PPFIA2: variants seen among roughly 807,000 people sequenced by gnomAD.
PPFIA2 encodes the protein liprin-alpha-2.
PPFIA2 carries 46 observed loss-of-function variants against 175.5 expected under a neutral mutation model. The observed-to-expected ratio is 0.26, with a 90% CI of 0.21 to 0.34. The LOEUF (loss-of-function observed/expected upper bound fraction) is 0.34, where lower values mean the gene tolerates loss of function less well. Among genes scored for constraint, PPFIA2 ranks in the 10% least tolerant of loss-of-function variants. The pLI, the probability that PPFIA2 is intolerant of heterozygous loss-of-function variation, is 1.00. For synonymous variants in PPFIA2, 568 were observed against 511.4 expected, an observed-to-expected ratio of 1.11 and a Z score of -1.49; for missense variants, 1,179 against 1,506.1, an observed-to-expected ratio of 0.78 and a Z score of 3.60.
rs150272567 is a variant in PPFIA2, at chr12:81,690,396, A to G, written c.250-13552T>C. Among the ~76,000 whole-genome samples, 356 of 152,208 alleles carry G rather than the reference A, an allele frequency of 2.3e-3. 1 individual carries two copies. Among genetic ancestry groups the G allele is most frequent in the African/African-American group, 8.3e-3 (345 of 41,572 alleles). The stretch of plus-strand genomic sequence containing the variant: ...GCATTATTGGCAAATTAGGCAGGAA[A>G]TTTCTTCATGGAAAGTATACTGAAT... On this transcript the variant is annotated intron_variant, in intron 3 of 32. Transcript: ENST00000549396.
chr12:81,444,916 C>T (rs1437898439), intron 6 of PPFIA2, among the ~76,000 whole-genome samples: 1 of 151,972 alleles, frequency 6.6e-6, no homozygotes, highest in Admixed American at 6.6e-5. Flanking sequence ...AGGATATTAT[C>T]ATCATATTGG....
chr12:81,574,651 T>C (rs1410304976), intron 4 of PPFIA2, among the ~76,000 whole-genome samples: 2 of 151,638 alleles, frequency 1.3e-5, no homozygotes, highest in Non-Finnish European at 3.0e-5. Flanking sequence ...AACACAGGTG[T>C]AAATAAAATT....
chr12:81,325,960 T>C (rs1594838075), intron 21 of PPFIA2, 90 bp from the exon 22 acceptor site: 1 of 880,260 alleles, frequency 1.1e-6, no homozygotes, highest in East Asian at 2.6e-5. Flanking sequence ...GTTGAGCAAC[T>C]GTTTAGTATC....
At chr12:81,425,199 C>A (rs2144084618) in intron 7 of PPFIA2, among the ~76,000 whole-genome samples, 1 of 152,170 alleles carries the variant, frequency 6.6e-6, no homozygotes, top group East Asian at 1.9e-4. Context: ...GGGGATCCAT[C>A]AACTTGAAGG....
intron 28 of PPFIA2, among the ~76,000 whole-genome samples, chr12:81,273,890 C>G (rs182915318): frequency 3.5e-3 from 536 of 151,832 alleles, no homozygotes; most frequent in Non-Finnish European, 5.3e-3. Flanking sequence ...CCCGCCCCCC[C>G]CCAAACCGGT....
At chr12:81,514,419 C>T (rs2062155568) in intron 4 of PPFIA2, among the ~76,000 whole-genome samples, 1 of 151,916 alleles carries the variant, frequency 6.6e-6, no homozygotes, top group Non-Finnish European at 1.5e-5. Context: ...AATGACAACA[C>T]CTGTAACTTT....
chr12:81,723,817 G>A (rs1263790153), intron 3 of PPFIA2, among the ~76,000 whole-genome samples: 1 of 150,854 alleles, frequency 6.6e-6, no homozygotes, highest in Admixed American at 6.6e-5. Flanking sequence ...CCTTTAAGTT[G>A]CTTTATATCT....
At chr12:81,667,328 G>A (rs552082190) in intron 4 of PPFIA2, among the ~76,000 whole-genome samples, 89 of 151,998 alleles carry the variant, frequency 5.9e-4, no homozygotes, top group Non-Finnish European at 1.1e-3. Context: ...GGCTTCATAG[G>A]TTGCACCAAT....
chr12:81,319,325 T>G (rs1230650898), intron 22 of PPFIA2, among the ~76,000 whole-genome samples: 7 of 151,798 alleles, frequency 4.6e-5, no homozygotes, highest in Admixed American at 3.9e-4. Context: ...ATTCTGACCC[T>G]TATCCTTGGG....
intron 30 of PPFIA2, among the ~76,000 whole-genome samples, chr12:81,266,729 G>A (rs767602069): frequency 1.3e-5 from 2 of 152,020 alleles, no homozygotes; most frequent in South Asian, 4.1e-4. Context: ...TTACTGTTTA[G>A]TATCTCTACC....
intron 3 of PPFIA2, among the ~76,000 whole-genome samples, chr12:81,735,907 T>C (rs1279728356): frequency 4.6e-5 from 7 of 151,958 alleles, no homozygotes; most frequent in Admixed American, 4.6e-4. Context: ...GGGTTATTCT[T>C]GTACTCTCTA....
chr12:81,672,352 T>C (rs1025200297), intron 4 of PPFIA2, among the ~76,000 whole-genome samples: 1 of 151,976 alleles, frequency 6.6e-6, no homozygotes, highest in African/African-American at 2.4e-5. Context: ...AAAATATATA[T>C]AATTTGGTCT....
intron 4 of PPFIA2, among the ~76,000 whole-genome samples, chr12:81,539,763 C>T (rs976154238): frequency 1.3e-5 from 2 of 151,948 alleles, no homozygotes; most frequent in Non-Finnish European, 2.9e-5. Flanking sequence ...GAAGCAGTCC[C>T]TCATTGAGCT....
intron 7 of PPFIA2, 84 bp downstream of exon 7, chr12:81,439,883 TGACAG>T: frequency 1.9e-6 from 2 of 1,059,138 alleles, no homozygotes; most frequent in Admixed American, 2.3e-5. Context: ...TTATTTTTTG[TGACAG>T]TTATAATAAA....
chr12:81,449,582 T>C (rs1322007871), intron 5 of PPFIA2, among the ~76,000 whole-genome samples: 2 of 151,972 alleles, frequency 1.3e-5, no homozygotes, highest in South Asian at 2.1e-4. Context: ...TATCACACCA[T>C]TACATCATTT....
intron 4 of PPFIA2, among the ~76,000 whole-genome samples, chr12:81,668,663 T>C (rs888822822): frequency 2.0e-5 from 3 of 152,020 alleles, no homozygotes; most frequent in African/African-American, 4.8e-5. Context: ...AGCTCTCTGC[T>C]AATGAGTCAT....
In PPFIA2 at chr12:81,374,807, G is replaced by C. The variant is rs376508730; in HGVS notation, c.1132-39C>G. Reference sequence around the variant, plus strand: ...GGGAGCAGAGACACTTAAAGAGTCAGAGTTTGGATAGCAAACACCAGTCGC... The same window carrying C: ...GGGAGCAGAGACACTTAAAGAGTCACAGTTTGGATAGCAAACACCAGTCGC... On this transcript the variant is annotated intron_variant, in intron 10 of 32. Transcript: ENST00000549396. 1.0e-5 allele frequency: 16 copies of C among 1,576,556 alleles called. No homozygotes were observed. The African/African-American group carries it at 1.4e-4, about 13-fold the overall frequency.
intron 4 of PPFIA2, among the ~76,000 whole-genome samples, chr12:81,663,149 C>T (rs574687781): frequency 9.8e-5 from 15 of 152,288 alleles, no homozygotes; most frequent in Admixed American, 6.5e-4. Flanking sequence ...GTCCCTCTCT[C>T]GCCACTCCTA....
intron 16 of PPFIA2, among the ~76,000 whole-genome samples, chr12:81,354,797 C>T (rs569416980): frequency 7.9e-5 from 12 of 152,174 alleles, no homozygotes; most frequent in Admixed American, 5.2e-4. Context: ...AGGTGCACAA[C>T]CACACCCAGC....
Sources: allele counts gnomAD v4.1 joint callset (sites outside exome capture counted in the v4.1 genomes callset), GRCh38; gene constraint gnomAD v4.1.1; transcripts MANE v1.5; gene names NCBI Gene and HGNC (gene_info 2026-07-23, HGNC 2026-07-21).